The following IQSEC3 variants were observed in gnomAD, a reference collection of about 807,000 sequenced individuals.
IQSEC3 encodes the protein IQ motif and SEC7 domain-containing protein 3.
Under a neutral mutation model 105.4 loss-of-function variants are expected in IQSEC3, and 50 were observed. The observed-to-expected ratio is 0.47, with a 90% confidence interval of 0.38 to 0.60. The LOEUF is 0.60. Ranked by LOEUF, IQSEC3 falls within the 20% of genes least tolerant of loss-of-function variation. The pLI, the probability that IQSEC3 is intolerant of heterozygous loss-of-function variation, is 0.00. For missense variants in IQSEC3, 1,415 were observed against 1,630.0 expected, an observed-to-expected ratio of 0.87 and a Z score of 2.27; for synonymous variants, 708 against 746.0, an observed-to-expected ratio of 0.95 and a Z score of 0.83.
chr12:145,486 C>T (rs10744532), intron 5 of IQSEC3, among the ~76,000 whole-genome samples: 80,668 of 152,044 alleles, frequency 0.53, 21,630 homozygotes, highest in Middle Eastern at 0.61. Flanking sequence ...CTCCACTCCC[C>T]GCCATCCCAT....
rs111698246 is a variant in IQSEC3, at chr12:143,826, C to CGTGTGTGTGT, written c.2153+2573_2153+2582dup. On this transcript the variant is annotated intron_variant, in intron 5 of 13. Transcript: ENST00000538872. ...TGAGAATGGGGCCACGCTGGGCACC[C>CGTGTGTGTGT]GTGTGTGTGTGTGTGTGTGTGTGTG... is the stretch of plus-strand genomic sequence containing the variant. 571 of 147,514 alleles carry CGTGTGTGTGT rather than the reference C, an allele frequency of 3.9e-3. 5 individuals are homozygous for CGTGTGTGTGT. Among genetic ancestry groups the CGTGTGTGTGT allele is most frequent in the South Asian group, 4.8e-3 (24 of 5,008 alleles). 9.1% of individuals were successfully genotyped at this position (147,514 alleles called of 1,614,324 possible). A position where few individuals can be genotyped will look rare whatever the true frequency, so the allele number is the denominator to read the frequency against.
intron 13 of IQSEC3, among the ~76,000 whole-genome samples, chr12:172,004 G>A (rs1555100489): frequency 6.6e-6 from 1 of 152,050 alleles, no homozygotes; most frequent in Non-Finnish European, 1.5e-5. Flanking sequence ...CTCCCACTGG[G>A]TCCTCTTGCA....
rs141143264 is a variant in IQSEC3 at position 146,697 on chromosome 12, T to A, written c.2153+5412T>A. On this transcript the variant is annotated intron_variant, in intron 5 of 13. Transcript: ENST00000538872. ...AGAGAAAGAGAGAGAGAGAGGAGAG[T>A]GGGAGGAAGGGAGGGAGGGAGGGAG... 6.3e-3 allele frequency among the ~76,000 whole-genome samples: 514 copies of A among 81,838 alleles called. 3 individuals are homozygous for A. The highest frequency in any genetic ancestry group is 0.022 in the Middle Eastern group (4 of 184). 53.7% of individuals were successfully genotyped at this position (81,838 alleles called of 152,430 possible).
intron 1 of IQSEC3, among the ~76,000 whole-genome samples, chr12:93,570 C>G (rs1178909101): frequency 2.0e-5 from 3 of 152,216 alleles, no homozygotes; most frequent in Non-Finnish European, 2.9e-5. Context: ...GAGGCAGCGT[C>G]AGAGGATGAC....
At chr12:121,633 G>A (rs2136960936) in intron 2 of IQSEC3, among the ~76,000 whole-genome samples, 1 of 152,306 alleles carries the variant, frequency 6.6e-6, no homozygotes, top group South Asian at 2.1e-4. Flanking sequence ...GGCTGGGGAA[G>A]GCCATGGGGA....
At position 139,355 on chromosome 12, in the gene IQSEC3, G is replaced by T. The variant is rs1565427923; in HGVS notation, c.1991+1G>T. On this transcript the variant is annotated splice_donor_variant, in intron 4 of 13. Coordinates refer to ENST00000538872, the MANE Select transcript of IQSEC3 (RefSeq NM_001170738.2). LOFTEE classifies it high-confidence loss of function. The stretch of plus-strand genomic sequence containing the variant: ...GCATCGGCCTCAACCTCTTCAACAT[G>T]TAAGTCAGCCCCGGCCCCCAGCCCG... The T allele has an allele frequency of 6.5e-7, 1 of 1,548,916 alleles. No individual in the cohort carries two copies.
At chr12:135,769 T>G (rs1197757997) in intron 3 of IQSEC3, among the ~76,000 whole-genome samples, 2 of 152,164 alleles carry the variant, frequency 1.3e-5, no homozygotes, top group Non-Finnish European at 2.9e-5. Context: ...GCAGGCAACC[T>G]CTAGTGACTG....
chr12:164,338 C>A (rs530419949), intron 9 of IQSEC3, among the ~76,000 whole-genome samples: 1 of 152,212 alleles, frequency 6.6e-6, no homozygotes, highest in East Asian at 1.9e-4. Context: ...AGCCTCCACA[C>A]GGCTCTCCCC....
At chr12:99,101 C>T (rs2136917139) in intron 1 of IQSEC3, 45 bp from the exon 2 acceptor site, 2 of 1,563,324 alleles carry the variant, frequency 1.3e-6, no homozygotes, top group Non-Finnish European at 1.7e-6. Flanking sequence ...GGGCGGGGAC[C>T]CAGCCTGCCT....
intron 3 of IQSEC3, 50 bp downstream of exon 3, chr12:125,962 T>TTGGGGGCTGTCGAGGCCCTGCC: frequency 4.6e-6 from 7 of 1,505,384 alleles, no homozygotes; most frequent in Non-Finnish European, 6.2e-6. Flanking sequence ...GGGGCCCTGC[T>TTGGGGGCTGTCGAGGCCCTGCC]TTGGGGGCTG....
intron 2 of IQSEC3, among the ~76,000 whole-genome samples, chr12:108,024 G>T (rs1364253803): frequency 6.6e-6 from 1 of 152,124 alleles, no homozygotes; most frequent in Non-Finnish European, 1.5e-5. Flanking sequence ...GGATATCTGG[G>T]ATTAGGCCAA....
chr12:110,288 T>C (rs1266814486), intron 2 of IQSEC3, among the ~76,000 whole-genome samples: 1 of 152,184 alleles, frequency 6.6e-6, no homozygotes, highest in South Asian at 2.1e-4. Context: ...CTTAGTAATA[T>C]CAGGCCAGCT....
At chr12:141,470 G>A (rs79718529) in intron 5 of IQSEC3, 185 bp downstream of exon 5, 49,243 of 595,850 alleles carry the variant, frequency 0.083, 2,602 homozygotes, top group Non-Finnish European at 0.1. Context: ...CCTGTCTCCC[G>A]TCAGAGTCAT....
At chr12:79,869 T>C (rs1234064758) in intron 1 of IQSEC3, among the ~76,000 whole-genome samples, 4 of 152,212 alleles carry the variant, frequency 2.6e-5, no homozygotes, top group Admixed American at 6.5e-5. Context: ...TCCAGCTATA[T>C]GTACATTTAA....
chr12:154,325 C>T (rs569757874), intron 5 of IQSEC3, among the ~76,000 whole-genome samples: 15 of 152,344 alleles, frequency 9.8e-5, no homozygotes, highest in Non-Finnish European at 1.8e-4. Flanking sequence ...GCTGCCTCTG[C>T]GGCAGCCTGC....
chr12:94,967 T>C (rs1248601502), intron 1 of IQSEC3, among the ~76,000 whole-genome samples: 1 of 151,614 alleles, frequency 6.6e-6, no homozygotes, highest in Non-Finnish European at 1.5e-5. Context: ...ACTGGGGGTG[T>C]AGGCTCTCCA....
chr12:97,129 A>G (rs1007428440), intron 1 of IQSEC3, among the ~76,000 whole-genome samples: 3 of 152,224 alleles, frequency 2.0e-5, no homozygotes, highest in African/African-American at 4.8e-5. Context: ...ACAGATGTGA[A>G]GCGTATTTGT....
At chr12:94,415 G>C (rs1229783187) in intron 1 of IQSEC3, among the ~76,000 whole-genome samples, 3 of 152,234 alleles carry the variant, frequency 2.0e-5, no homozygotes, top group Admixed American at 2.0e-4. Context: ...GCTGGTCAAA[G>C]GCAGGCAAGG....
intron 2 of IQSEC3, among the ~76,000 whole-genome samples, chr12:107,653 G>A (rs369713488): frequency 5.0e-4 from 76 of 151,788 alleles, no homozygotes; most frequent in East Asian, 1.6e-3. Flanking sequence ...CTCGTGATCC[G>A]CCCACCTCGG....
Sources: allele counts gnomAD v4.1 joint callset (sites outside exome capture counted in the v4.1 genomes callset), GRCh38; gene constraint gnomAD v4.1.1; transcripts MANE v1.5; gene names NCBI Gene and HGNC (gene_info 2026-07-23, HGNC 2026-07-21).